UBASH3B: variants seen among roughly 807,000 people sequenced by gnomAD.
UBASH3B encodes the protein ubiquitin-associated and SH3 domain-containing protein B.
UBASH3B carries 37 observed loss-of-function variants against 83.4 expected under a neutral mutation model. The observed-to-expected ratio is 0.44, with a 90% CI of 0.34 to 0.58. The LOEUF is 0.58. UBASH3B is among the 20% of genes least tolerant of loss of function. The probability of loss-of-function intolerance (pLI) is 0.01; values close to 1 mark genes in which losing one functional copy is unlikely to be tolerated. For missense variants in UBASH3B, 657 were observed against 827.2 expected (o/e 0.79, Z 2.52); for synonymous variants, 304 against 318.3 (o/e 0.96, Z 0.48).
chr11:122,734,901 G>A (rs7105044), intron 1 of UBASH3B, among the ~76,000 whole-genome samples: 1 of 151,416 alleles, frequency 6.6e-6, no homozygotes, highest in Non-Finnish European at 1.5e-5. Flanking sequence ...TCTTTTCTAG[G>A]TCACCATTGC....
Position 122,655,934 on chromosome 11 carries a change from G to T in UBASH3B, c.-116G>T, listed in dbSNP as rs1373325577. 9 of 1,146,762 alleles carry T rather than the reference G, an allele frequency of 7.8e-6. No individual in the cohort carries two copies. The South Asian group carries it at 1.7e-4, about 22-fold the overall frequency. 71.0% of individuals were successfully genotyped at this position (1,146,762 alleles called of 1,614,324 possible). On this transcript the variant is annotated 5_prime_UTR_variant, in exon 1 of 14. Transcript: ENST00000284273. ...TCGGAGCGCCGCCTCCGCTGCCGCC[G>T]CCTCCTGCCTGGCTCTGGGTCCCCG... is the stretch of plus-strand genomic sequence containing the variant.
intron 5 of UBASH3B, among the ~76,000 whole-genome samples, chr11:122,786,303 C>T (rs542758202): frequency 2.2e-4 from 33 of 151,926 alleles, no homozygotes; most frequent in African/African-American, 7.5e-4. Context: ...CCTATCTCGG[C>T]CTCCCAAAGT....
chr11:122,696,431 C>T (rs550873048), intron 1 of UBASH3B, among the ~76,000 whole-genome samples: 1 of 151,604 alleles, frequency 6.6e-6, no homozygotes, highest in East Asian at 1.9e-4. Flanking sequence ...CTGCCTCAGC[C>T]TCCTGAGTAG....
At chr11:122,725,342 A>AAAAAAAAAAAAAG (rs71281633) in intron 1 of UBASH3B, among the ~76,000 whole-genome samples, 22 of 130,812 alleles carry the variant, frequency 1.7e-4, no homozygotes, top group Non-Finnish European at 2.4e-4. Context: ...AAAAAAAAAA[A>AAAAAAAAAAAAAG]AAGAAAAGAA....
intron 6 of UBASH3B, among the ~76,000 whole-genome samples, chr11:122,790,950 GAA>G (rs199977761): frequency 2.9e-5 from 4 of 136,106 alleles, no homozygotes; most frequent in South Asian, 2.3e-4. Context: ...GACTTTGTCT[GAA>G]AAAAAAAAAA....
At chr11:122,673,709 C>G (rs1863629799) in intron 1 of UBASH3B, among the ~76,000 whole-genome samples, 1 of 152,168 alleles carries the variant, frequency 6.6e-6, no homozygotes, top group Non-Finnish European at 1.5e-5. Context: ...ACTGCAATTT[C>G]TGATGATGGA....
chr11:122,718,716 A>C (rs991363643), intron 1 of UBASH3B, among the ~76,000 whole-genome samples: 28 of 152,198 alleles, frequency 1.8e-4, no homozygotes, highest in Admixed American at 2.0e-4. Flanking sequence ...CAGAAATGAA[A>C]AGCTAACTCA....
chr11:122,657,199 A>G (rs944078837), intron 1 of UBASH3B, among the ~76,000 whole-genome samples: 1 of 152,260 alleles, frequency 6.6e-6, no homozygotes. Context: ...GCACCTGAAC[A>G]GGAGAGTTGG....
intron 1 of UBASH3B, among the ~76,000 whole-genome samples, chr11:122,690,832 T>C (rs1029328236): frequency 6.6e-6 from 1 of 152,210 alleles, no homozygotes; most frequent in Non-Finnish European, 1.5e-5. Context: ...GTACAGCACC[T>C]GGGAGAGTTG....
intron 1 of UBASH3B, among the ~76,000 whole-genome samples, chr11:122,766,269 G>A (rs550810766): frequency 9.8e-5 from 15 of 152,310 alleles, no homozygotes; most frequent in African/African-American, 2.9e-4. Flanking sequence ...TATAGTGGCC[G>A]GGCGCGGTGG....
chr11:122,688,777 T>C (rs1863845108), intron 1 of UBASH3B, among the ~76,000 whole-genome samples: 1 of 152,082 alleles, frequency 6.6e-6, no homozygotes, highest in South Asian at 2.1e-4. Flanking sequence ...CCCTAGTAGC[T>C]GGGACTACAG....
At chr11:122,768,663 G>A (rs538443760) in intron 1 of UBASH3B, among the ~76,000 whole-genome samples, 2 of 152,000 alleles carry the variant, frequency 1.3e-5, no homozygotes, top group South Asian at 2.1e-4. Flanking sequence ...CCACCACCAG[G>A]CCCAGCTAAT....
At chr11:122,780,809 G>A (rs1240285926) in intron 4 of UBASH3B, among the ~76,000 whole-genome samples, 2 of 152,204 alleles carry the variant, frequency 1.3e-5, no homozygotes, top group Non-Finnish European at 2.9e-5. Context: ...GGATGGTGCA[G>A]GATGCACAGT....
At position 122,765,433 on chromosome 11, in the gene UBASH3B, T is replaced by C. The variant is rs115858234; in HGVS notation, c.162-10786T>C. 4.6e-3 allele frequency among the ~76,000 whole-genome samples: 697 copies of C among 152,048 alleles called. 5 individuals carry two copies. The highest frequency in any genetic ancestry group is 0.016 in the African/African-American group (646 of 41,452). ...GGCTCAGTGCTTTGACACTGGAGAGTGGGACTCTTGCTTTGACCTGAGACT... is the reference window on the plus strand; with the variant it reads ...GGCTCAGTGCTTTGACACTGGAGAGCGGGACTCTTGCTTTGACCTGAGACT... On this transcript the variant is annotated intron_variant, in intron 1 of 13. Transcript: ENST00000284273.
chr11:122,800,689 A>G (rs905281744), intron 10 of UBASH3B, among the ~76,000 whole-genome samples: 1 of 151,926 alleles, frequency 6.6e-6, no homozygotes, highest in African/African-American at 2.4e-5. Context: ...GCTCACTACA[A>G]CTTTCGCCTC....
intron 1 of UBASH3B, among the ~76,000 whole-genome samples, chr11:122,754,526 C>A (rs929769299): frequency 6.6e-6 from 1 of 152,198 alleles, no homozygotes; most frequent in Non-Finnish European, 1.5e-5. Flanking sequence ...AGGCTGCCAC[C>A]TGGAAGGAGG....
At chr11:122,750,693 G>T (rs1162519595) in intron 1 of UBASH3B, among the ~76,000 whole-genome samples, 1 of 152,178 alleles carries the variant, frequency 6.6e-6, no homozygotes, top group South Asian at 2.1e-4. Flanking sequence ...ATGCATTGAA[G>T]GCTAACCTAG....
chr11:122,791,379 A>T (rs1228876150), intron 6 of UBASH3B, among the ~76,000 whole-genome samples: 3 of 152,186 alleles, frequency 2.0e-5, no homozygotes, highest in Non-Finnish European at 1.5e-5. Flanking sequence ...CACTTACCTC[A>T]TAAGGTTGTT....
At chr11:122,770,056 A>C (rs77132605) in intron 1 of UBASH3B, among the ~76,000 whole-genome samples, 16,059 of 152,262 alleles carry the variant, frequency 0.11, 919 homozygotes, top group Admixed American at 0.14. Context: ...AATTTCATCC[A>C]CTTGAAGGAT....
Sources: gnomAD v4.1 joint callset for allele counts (sites outside exome capture counted in the v4.1 genomes callset) on GRCh38, gnomAD v4.1.1 for gene constraint, MANE v1.5 for transcripts, NCBI Gene and HGNC (gene_info 2026-07-23, HGNC 2026-07-21) for gene names.